Variants in ENOX1 observed in about 807,000 individuals in gnomAD.
The protein encoded by ENOX1 is ecto-NOX disulfide-thiol exchanger 1.
ENOX1 carries 42 observed loss-of-function variants against 82.5 expected under a neutral mutation model. The ratio of observed to expected loss-of-function variants is 0.51; its 90% CI spans 0.40 to 0.66. The LOEUF (loss-of-function observed/expected upper bound fraction) is 0.66. Ranked by LOEUF, ENOX1 falls within the 30% of genes least tolerant of loss-of-function variation. The pLI, the probability that ENOX1 is intolerant of heterozygous loss-of-function variation, is 0.00. For synonymous variants in ENOX1, 271 were observed against 282.2 expected, an observed-to-expected ratio of 0.96 and a Z score of 0.40; for missense variants, 608 against 811.6, an observed-to-expected ratio of 0.75 and a Z score of 3.05.
At chr13:43,281,718 T>C (rs1365898181) in intron 12 of ENOX1, among the ~76,000 whole-genome samples, 29 of 152,152 alleles carry the variant, frequency 1.9e-4, no homozygotes, top group Admixed American at 1.9e-3. Flanking sequence ...AAGATGATCA[T>C]TTGTGATATA....
Position 43,361,265 on chromosome 13 carries a change from T to C in ENOX1, c.382+14A>G, listed in dbSNP as rs1293804292. ...ATTTAAAATGAGCAAATATTTCTCA[T>C]AGGCGTTACTTACTTGGATTTTGAG... On this transcript the variant is annotated intron_variant, in intron 6 of 16. Coordinates refer to ENST00000690772, the MANE Select transcript of ENOX1 (RefSeq NM_001347969.2). 4 of 1,606,392 alleles carry C rather than the reference T, an allele frequency of 2.5e-6. No individual in the cohort carries two copies. The highest frequency in any genetic ancestry group is 4.5e-5 in the East Asian group (2 of 44,794).
intron 2 of ENOX1, among the ~76,000 whole-genome samples, chr13:43,659,237 CCAG>C (rs1174597320): frequency 3.3e-5 from 5 of 151,966 alleles, no homozygotes; most frequent in Non-Finnish European, 4.4e-5. Flanking sequence ...ACCTATAATC[CCAG>C]CATTTTGGGG....
At chr13:43,535,777 A>G (rs1490159981) in intron 2 of ENOX1, among the ~76,000 whole-genome samples, 2 of 152,238 alleles carry the variant, frequency 1.3e-5, no homozygotes, top group African/African-American at 4.8e-5. Flanking sequence ...AATATTATTC[A>G]TAATTTATTT....
chr13:43,552,385 T>C (rs2079238171), intron 2 of ENOX1, among the ~76,000 whole-genome samples: 3 of 151,722 alleles, frequency 2.0e-5, no homozygotes, highest in African/African-American at 7.3e-5. Context: ...AGCCTTTTAG[T>C]ATATTCCTAG....
intron 4 of ENOX1, 44 bp downstream of exon 4, chr13:43,412,801 C>CA (rs1566153757): frequency 1.2e-6 from 2 of 1,609,132 alleles, no homozygotes; most frequent in Middle Eastern, 1.7e-4. Flanking sequence ...ACTAAGAACT[C>CA]AAAAAATCCT....
intron 2 of ENOX1, among the ~76,000 whole-genome samples, chr13:43,529,913 CAACA>C (rs2078139285): frequency 6.6e-6 from 1 of 152,058 alleles, no homozygotes; most frequent in Non-Finnish European, 1.5e-5. Context: ...GCTATTAAAA[CAACA>C]AACTATGAAT....
In ENOX1 at chr13:43,652,804, G is replaced by A. The variant is rs576431684; in HGVS notation, c.-219+14675C>T. On this transcript the variant is annotated intron_variant, in intron 2 of 16. Transcript: ENST00000690772. The stretch of plus-strand genomic sequence containing the variant: ...AAGAAGTAAGCAAGCTGAGTAGCCG[G>A]AATGCCGGTGATGAGCATTCATTGG... Among the ~76,000 whole-genome samples the A allele has an allele frequency of 9.8e-5, 15 of 152,308 alleles. No homozygotes were observed. The South Asian group carries it at 3.1e-3, about 32-fold the overall frequency.
At chr13:43,529,809 G>A (rs2078134405) in intron 2 of ENOX1, among the ~76,000 whole-genome samples, 1 of 152,018 alleles carries the variant, frequency 6.6e-6, no homozygotes, top group African/African-American at 2.4e-5. Flanking sequence ...TTTCCTAAAT[G>A]ATACTATTAG....
Position 43,298,331 on chromosome 13 carries a change from A to AAAT in ENOX1, c.1446+14_1446+15insATT. ...TCTTTCTCTCAAAAAAAAAAAAAAA[A>AAAT]TCTGGGCCAGGTACCTGCTGCATGC... is the stretch of plus-strand genomic sequence containing the variant. On this transcript the variant is annotated intron_variant, in intron 12 of 16. Transcript: ENST00000690772. The AAAT allele has an allele frequency of 1.3e-6, 2 of 1,572,340 alleles. No individual in the cohort carries two copies. The highest frequency in any genetic ancestry group is 1.7e-6 in the Non-Finnish European group (2 of 1,167,360).
intron 11 of ENOX1, among the ~76,000 whole-genome samples, chr13:43,320,308 T>G (rs561554973): frequency 6.6e-6 from 1 of 152,336 alleles, no homozygotes; most frequent in African/African-American, 2.4e-5. Context: ...CTCCGGTTCT[T>G]TCATCTCTTC....
At chr13:43,311,383 A>G (rs984444660) in intron 11 of ENOX1, among the ~76,000 whole-genome samples, 3 of 151,742 alleles carry the variant, frequency 2.0e-5, no homozygotes, top group African/African-American at 7.3e-5. Flanking sequence ...TTTCTTCAAA[A>G]TGAAAAAAAT....
intron 2 of ENOX1, among the ~76,000 whole-genome samples, chr13:43,663,977 G>C (rs886145909): frequency 3.9e-5 from 6 of 152,110 alleles, no homozygotes; most frequent in African/African-American, 1.4e-4. Context: ...CCATCAGAGG[G>C]AGAGGCAGAA....
intron 3 of ENOX1, among the ~76,000 whole-genome samples, chr13:43,434,072 GGGATTTGATA>G (rs2055850404): frequency 6.6e-6 from 1 of 152,198 alleles, no homozygotes; most frequent in African/African-American, 2.4e-5. Context: ...GGCCTTCCCT[GGGATTTGATA>G]GCCTATGCAG....
At chr13:43,573,539 C>T (rs1446673216) in intron 2 of ENOX1, among the ~76,000 whole-genome samples, 1 of 152,160 alleles carries the variant, frequency 6.6e-6, no homozygotes, top group East Asian at 1.9e-4. Flanking sequence ...GAATAAAATG[C>T]AGTGGCTGTC....
intron 3 of ENOX1, among the ~76,000 whole-genome samples, chr13:43,467,293 A>G (rs1449461712): frequency 6.6e-6 from 1 of 152,208 alleles, no homozygotes; most frequent in Non-Finnish European, 1.5e-5. Context: ...TCAATTTTAG[A>G]CAATTACTAC....
intron 2 of ENOX1, chr13:43,545,322 A>T (rs9533521): frequency 0.61 from 92,884 of 152,206 alleles, 28,440 homozygotes; most frequent in South Asian, 0.84. Context: ...TGATAAAGAA[A>T]ATGCAATTGT....
At chr13:43,238,899 G>A (rs1185950045) in intron 14 of ENOX1, among the ~76,000 whole-genome samples, 8 of 152,106 alleles carry the variant, frequency 5.3e-5, no homozygotes, top group Non-Finnish European at 8.8e-5. Flanking sequence ...GAAATGGACT[G>A]TAGAGGGCAG....
rs953166477 is a variant in ENOX1, at chr13:43,555,834, G to A, written c.-218-71682C>T. Among the ~76,000 whole-genome samples, 3 of 152,214 alleles carry A rather than the reference G, an allele frequency of 2.0e-5. No individual in the cohort carries two copies. In the East Asian group the frequency reaches 5.8e-4, roughly 29 times the overall value. On this transcript the variant is annotated intron_variant, in intron 2 of 16. Coordinates refer to ENST00000690772, the MANE Select transcript of ENOX1 (RefSeq NM_001347969.2). ...AAAGAACACTGCTACTCTCTGGGTT[G>A]CACATTCATAATTCGCAAGTTGTAA...
intron 9 of ENOX1, among the ~76,000 whole-genome samples, chr13:43,334,930 T>C (rs147555890): frequency 8.3e-4 from 127 of 152,310 alleles, no homozygotes; most frequent in African/African-American, 2.9e-3. Flanking sequence ...GGGGGTTGCA[T>C]GTAGACGGGA....
Sources: gnomAD v4.1 joint callset for allele counts (sites outside exome capture counted in the v4.1 genomes callset) on GRCh38, gnomAD v4.1.1 for gene constraint, MANE v1.5 for transcripts, NCBI Gene and HGNC (gene_info 2026-07-23, HGNC 2026-07-21) for gene names.